The following CSMD2 variants were observed in gnomAD, a reference collection of about 807,000 sequenced individuals.
CSMD2 encodes the protein CUB and sushi domain-containing protein 2.
In CSMD2, 130 loss-of-function variants were observed where a neutral mutation model predicts 398.5. The observed-to-expected ratio is 0.33, with a 90% CI of 0.28 to 0.38. The LOEUF is 0.38. Among genes scored for constraint, CSMD2 ranks in the 10% least tolerant of loss-of-function variants. The pLI is 1.00. For synonymous variants in CSMD2, 1,828 were observed against 1,908.5 expected, an observed-to-expected ratio of 0.96 and a Z score of 1.10; for missense variants, 3,829 against 4,764.9, an observed-to-expected ratio of 0.80 and a Z score of 5.78.
rs1191381840 is a variant in CSMD2 at position 34,064,785 on chromosome 1, C to G, written c.404+24192G>C. ...TTTCATGCTGCTGATAAAGACATAC[C>G]CGAGACTGGGAAGAAAAAGAGGTTT... is the stretch of plus-strand genomic sequence containing the variant. On this transcript the variant is annotated intron_variant, in intron 2 of 70. Coordinates refer to ENST00000373381, the MANE Select transcript of CSMD2 (RefSeq NM_001281956.2). Among the ~76,000 whole-genome samples, 4 of 152,178 alleles carry G rather than the reference C, an allele frequency of 2.6e-5. No individual in the cohort carries two copies. The South Asian group carries it at 8.3e-4, about 32-fold the overall frequency.
intron 25 of CSMD2, among the ~76,000 whole-genome samples, chr1:33,685,350 C>T (rs1645032524): frequency 6.6e-6 from 1 of 152,198 alleles, no homozygotes; most frequent in Non-Finnish European, 1.5e-5. Flanking sequence ...ATTTTCATTC[C>T]TAACTGATAT....
chr1:33,754,976 A>G (rs1233659088), intron 13 of CSMD2, among the ~76,000 whole-genome samples: 1 of 152,104 alleles, frequency 6.6e-6, no homozygotes, highest in Non-Finnish European at 1.5e-5. Flanking sequence ...GGTAGTTTCC[A>G]TGGAGAAATG....
intron 37 of CSMD2, among the ~76,000 whole-genome samples, chr1:33,618,931 G>C (rs888698798): frequency 1.3e-5 from 2 of 152,024 alleles, no homozygotes; most frequent in Non-Finnish European, 2.9e-5. Flanking sequence ...TGCTCTCCCT[G>C]CCTCCCCTCC....
At chr1:33,646,443 C>T (rs1643431622) in intron 29 of CSMD2, among the ~76,000 whole-genome samples, 1 of 151,994 alleles carries the variant, frequency 6.6e-6, no homozygotes, top group Admixed American at 6.5e-5. Context: ...TCCCTTTTTT[C>T]CCACCCCTGG....
At chr1:33,887,447 A>G (rs1243915955) in intron 5 of CSMD2, among the ~76,000 whole-genome samples, 1 of 152,202 alleles carries the variant, frequency 6.6e-6, no homozygotes, top group Non-Finnish European at 1.5e-5. Flanking sequence ...CAGGATACAA[A>G]ATTGTACTTA....
chr1:33,844,093 G>T (rs1490724316), intron 6 of CSMD2, among the ~76,000 whole-genome samples: 1 of 152,192 alleles, frequency 6.6e-6, no homozygotes, highest in African/African-American at 2.4e-5. Flanking sequence ...CCTGTCTCCC[G>T]CTGGACCCCT....
intron 26 of CSMD2, among the ~76,000 whole-genome samples, chr1:33,661,621 G>C (rs1644136526): frequency 6.6e-6 from 1 of 152,168 alleles, no homozygotes; most frequent in Non-Finnish European, 1.5e-5. Context: ...GGAACTCTTA[G>C]GAATAGATGG....
At chr1:33,902,604 A>ATCCC (rs1642828052) in intron 5 of CSMD2, among the ~76,000 whole-genome samples, 1 of 152,130 alleles carries the variant, frequency 6.6e-6, no homozygotes, top group African/African-American at 2.4e-5. Context: ...TAAACCCTTT[A>ATCCC]TCCCTGCACC....
intron 32 of CSMD2, among the ~76,000 whole-genome samples, chr1:33,627,406 T>G (rs1642195267): frequency 1.3e-5 from 2 of 152,048 alleles, no homozygotes; most frequent in Non-Finnish European, 2.9e-5. Flanking sequence ...AGAACATGGG[T>G]GGAGGCAGCA....
chr1:33,608,883 C>T (rs962486482), intron 41 of CSMD2, among the ~76,000 whole-genome samples: 1 of 152,194 alleles, frequency 6.6e-6, no homozygotes, highest in Non-Finnish European at 1.5e-5. Context: ...GTGGTACTTT[C>T]TTATGGCAGC....
chr1:33,552,479 A>G (rs2148634630), intron 55 of CSMD2, among the ~76,000 whole-genome samples: 1 of 152,380 alleles, frequency 6.6e-6, no homozygotes, highest in East Asian at 1.9e-4. Flanking sequence ...ATAATTCATA[A>G]TAGCTAAAAA....
Position 33,626,780 on chromosome 1 carries a change from C to T in CSMD2, c.5201-199G>A, listed in dbSNP as rs186423820. On this transcript the variant is annotated intron_variant, in intron 32 of 70. Transcript: ENST00000373381. ...AGTTTATAGAAAGCTTTTTCATTCA[C>T]GGTCTTAACTTGACCTGTGGTCACT... Among the ~76,000 whole-genome samples, 844 of 152,296 alleles carry T rather than the reference C, an allele frequency of 5.5e-3. 2 individuals are homozygous for T. The highest frequency in any genetic ancestry group is 0.019 in the South Asian group (90 of 4,828).
intron 26 of CSMD2, among the ~76,000 whole-genome samples, chr1:33,661,297 G>A (rs924137683): frequency 7.2e-5 from 11 of 152,118 alleles, no homozygotes; most frequent in South Asian, 2.1e-4. Context: ...AGTGGATCGA[G>A]CCGTCTCTTT....
At chr1:34,015,207 A>G (rs1259549746) in intron 3 of CSMD2, among the ~76,000 whole-genome samples, 1 of 152,118 alleles carries the variant, frequency 6.6e-6, no homozygotes, top group Admixed American at 6.5e-5. Context: ...TTTCCTTCCC[A>G]GGGCAAAATG....
chr1:33,876,412 G>A (rs1204111967), intron 5 of CSMD2, among the ~76,000 whole-genome samples: 6 of 152,146 alleles, frequency 3.9e-5, no homozygotes, highest in Admixed American at 3.9e-4. Context: ...ATGTATAATG[G>A]CAACACCAAA....
chr1:33,828,406 G>A (rs2125023950), intron 6 of CSMD2, among the ~76,000 whole-genome samples: 1 of 152,334 alleles, frequency 6.6e-6, no homozygotes, highest in South Asian at 2.1e-4. Flanking sequence ...TGGGTGAGGG[G>A]TCTCTATGAC....
rs572128345 is a variant in CSMD2, at chr1:33,629,340, A to T, written c.5201-2759T>A. ...CGAGGAAGCAAAATCAAAACAACACAAACAAAAGCGCAGAAAGAACAACAC... is the reference window on the plus strand; with the variant it reads ...CGAGGAAGCAAAATCAAAACAACACTAACAAAAGCGCAGAAAGAACAACAC... On this transcript the variant is annotated intron_variant, in intron 32 of 70. Coordinates refer to ENST00000373381, the MANE Select transcript of CSMD2 (RefSeq NM_001281956.2). Among the ~76,000 whole-genome samples, 544 of 152,340 alleles carry T rather than the reference A, an allele frequency of 3.6e-3. 5 individuals carry two copies. The highest frequency in any genetic ancestry group is 0.012 in the African/African-American group (516 of 41,582).
intron 3 of CSMD2, among the ~76,000 whole-genome samples, chr1:33,993,837 G>C (rs554662711): frequency 6.6e-6 from 1 of 152,054 alleles, no homozygotes; most frequent in African/African-American, 2.4e-5. Context: ...CCACTCTTTT[G>C]CTTGTTTGCA....
intron 1 of CSMD2, among the ~76,000 whole-genome samples, chr1:34,104,666 C>T (rs551805216): frequency 2.6e-4 from 39 of 152,350 alleles, no homozygotes; most frequent in South Asian, 8.3e-4. Flanking sequence ...TCACCTGCCA[C>T]ACGGAGCACC....
Sources: gnomAD v4.1 joint callset for allele counts (sites outside exome capture counted in the v4.1 genomes callset) on GRCh38, gnomAD v4.1.1 for gene constraint, MANE v1.5 for transcripts, NCBI Gene and HGNC (gene_info 2026-07-23, HGNC 2026-07-21) for gene names.